Variants in POLN observed in about 807,000 individuals in gnomAD.
The protein encoded by POLN is DNA polymerase nu, also known as DNA polymerase N.
Under a neutral mutation model 113.5 loss-of-function variants are expected in POLN, and 108 were observed. That is an observed-to-expected ratio of 0.95 (90% CI 0.81 to 1.12). The LOEUF (loss-of-function observed/expected upper bound fraction) is 1.12, where lower values mean the gene tolerates loss of function less well. Ranked by LOEUF, POLN falls within the 50% of genes most tolerant of loss-of-function variation. POLN has a pLI of 0.00. For missense variants in POLN, 1,097 were observed against 1,077.1 expected, an observed-to-expected ratio of 1.02 and a Z score of -0.26; for synonymous variants, 386 against 391.5, an observed-to-expected ratio of 0.99 and a Z score of 0.17.
At chr4:2,169,158 G>A (rs1320279573) in intron 13 of POLN, among the ~76,000 whole-genome samples, 1 of 152,204 alleles carries the variant, frequency 6.6e-6, no homozygotes, top group African/African-American at 2.4e-5. Flanking sequence ...TGGGGGGAGA[G>A]AGGAGGTGCC....
At chr4:2,197,655 AAG>A (rs1313430393) in intron 6 of POLN, among the ~76,000 whole-genome samples, 1 of 152,194 alleles carries the variant, frequency 6.6e-6, no homozygotes, top group African/African-American at 2.4e-5. Flanking sequence ...TTGTTCTTTA[AAG>A]AGAAAATTAC....
rs1178684749 is a variant in POLN at position 2,207,323 on chromosome 4, A to T, written c.714+664T>A. Reference sequence around the variant, plus strand: ...TGTATACTGCTTGAGTGATGGGTGCAGGAAAGTAGAGGAAAGGAAAGGAAA... The same window carrying T: ...TGTATACTGCTTGAGTGATGGGTGCTGGAAAGTAGAGGAAAGGAAAGGAAA... On this transcript the variant is annotated intron_variant, in intron 5 of 25. Coordinates refer to ENST00000511885, the MANE Select transcript of POLN (RefSeq NM_181808.4). Among the ~76,000 whole-genome samples the T allele has an allele frequency of 1.3e-5, 2 of 151,688 alleles. 1 individual carries two copies. The highest frequency in any genetic ancestry group is 4.2e-4 in the South Asian group (2 of 4,812).
chr4:2,166,862 A>C (rs1400497738), intron 13 of POLN, among the ~76,000 whole-genome samples: 3 of 152,148 alleles, frequency 2.0e-5, no homozygotes, highest in African/African-American at 7.2e-5. Context: ...AGCTTGAAGA[A>C]GGCCTATCGT....
intron 19 of POLN, 73 bp downstream of exon 19, chr4:2,128,040 A>G (rs1001548129): frequency 1.1e-6 from 1 of 948,390 alleles, no homozygotes; most frequent in Non-Finnish European, 1.6e-6. Flanking sequence ...GTAGCCTTGG[A>G]ATAATTCCAG....
At chr4:2,186,081 G>T (rs889210297) in intron 7 of POLN, among the ~76,000 whole-genome samples, 1 of 152,180 alleles carries the variant, frequency 6.6e-6, no homozygotes, top group Non-Finnish European at 1.5e-5. Context: ...ACTCCATGCA[G>T]ACAGTAAGAG....
At chr4:2,221,695 C>T (rs1394477550) in intron 3 of POLN, among the ~76,000 whole-genome samples, 1 of 152,148 alleles carries the variant, frequency 6.6e-6, no homozygotes, top group Non-Finnish European at 1.5e-5. Flanking sequence ...CCTGCCTCAT[C>T]CTCCCGAGCA....
At chr4:2,203,209 T>C (rs1330892600) in intron 5 of POLN, among the ~76,000 whole-genome samples, 1 of 152,128 alleles carries the variant, frequency 6.6e-6, no homozygotes, top group Non-Finnish European at 1.5e-5. Flanking sequence ...TTCAAAACCA[T>C]ACAAATACAT....
intron 19 of POLN, among the ~76,000 whole-genome samples, chr4:2,120,432 T>A (rs1731412005): frequency 6.6e-6 from 1 of 152,128 alleles, no homozygotes; most frequent in African/African-American, 2.4e-5. Flanking sequence ...ATTTTATACT[T>A]TTAGGCATAT....
intron 2 of POLN, among the ~76,000 whole-genome samples, chr4:2,234,095 A>T (rs1003883564): frequency 1.3e-5 from 2 of 152,216 alleles, no homozygotes; most frequent in Non-Finnish European, 2.9e-5. Context: ...AGTAACAATA[A>T]CCAGCTACAA....
intron 19 of POLN, among the ~76,000 whole-genome samples, chr4:2,121,969 C>T (rs575972518): frequency 2.6e-5 from 4 of 152,176 alleles, no homozygotes; most frequent in African/African-American, 4.8e-5. Context: ...GCATTTCGTG[C>T]TATACTTTTC....
At chr4:2,208,611 G>A (rs1733916826) in intron 4 of POLN, 124 bp from the exon 5 acceptor site, 1 of 761,662 alleles carries the variant, frequency 1.3e-6, no homozygotes, top group East Asian at 2.9e-5. Flanking sequence ...TATTACCTAT[G>A]ATCAAACCTT....
chr4:2,074,706 C>T (rs1247069700), intron 24 of POLN, among the ~76,000 whole-genome samples: 2 of 152,134 alleles, frequency 1.3e-5, no homozygotes, highest in Non-Finnish European at 2.9e-5. Flanking sequence ...AAGCTTCCAG[C>T]CCTGACGCCC....
intron 19 of POLN, among the ~76,000 whole-genome samples, chr4:2,102,610 T>C (rs1465455420): frequency 6.6e-6 from 1 of 152,158 alleles, no homozygotes; most frequent in South Asian, 2.1e-4. Context: ...GCCCAAGAAC[T>C]GGTCTGCCTG....
At position 2,102,894 on chromosome 4, in the gene POLN, A is replaced by T. The variant is rs543743284; in HGVS notation, c.1983-6961T>A. Among the ~76,000 whole-genome samples, 7 of 152,342 alleles carry T rather than the reference A, an allele frequency of 4.6e-5. No homozygotes were observed. In the East Asian group the frequency reaches 1.3e-3, roughly 29 times the overall value. On this transcript the variant is annotated intron_variant, in intron 19 of 25. Transcript: ENST00000511885. ...AGCCAAAGGGTCCTACCCAACCAAC[A>T]GAGAGTCACATCTTCAGGAACCCCC...
At chr4:2,186,408 C>T (rs1214064754) in intron 7 of POLN, among the ~76,000 whole-genome samples, 2 of 152,138 alleles carry the variant, frequency 1.3e-5, no homozygotes, top group South Asian at 2.1e-4. Flanking sequence ...GTAGGAGGTA[C>T]ATCCTACAGG....
At chr4:2,095,754 A>T in intron 20 of POLN, 97 bp downstream of exon 20, 4 of 1,115,568 alleles carry the variant, frequency 3.6e-6, no homozygotes, top group Non-Finnish European at 4.1e-6. Flanking sequence ...CCAGGGACTC[A>T]CAGACGATTT....
chr4:2,079,048 G>A (rs1730342523), intron 23 of POLN: 1 of 452,306 alleles, frequency 2.2e-6, no homozygotes, highest in Non-Finnish European at 2.9e-6. Context: ...TCCCACTTCA[G>A]CCTCCTGAGT....
chr4:2,201,970 T>C (rs1733726952), intron 5 of POLN, among the ~76,000 whole-genome samples: 1 of 152,098 alleles, frequency 6.6e-6, no homozygotes, highest in African/African-American at 2.4e-5. Flanking sequence ...GACAAACAAA[T>C]GCTGAGAGAA....
intron 6 of POLN, among the ~76,000 whole-genome samples, chr4:2,193,585 T>C (rs1006079714): frequency 6.6e-6 from 1 of 152,156 alleles, no homozygotes; most frequent in East Asian, 1.9e-4. Context: ...GAATAAGACC[T>C]ACATTCCTGA....
Sources: gnomAD v4.1 joint callset for allele counts (sites outside exome capture counted in the v4.1 genomes callset) on GRCh38, gnomAD v4.1.1 for gene constraint, MANE v1.5 for transcripts, NCBI Gene and HGNC (gene_info 2026-07-23, HGNC 2026-07-21) for gene names.